FYB1: variants seen among roughly 807,000 people sequenced by gnomAD.
FYB1 encodes FYN binding protein 1, also known as FYN-binding protein 1.
A neutral mutation model predicts 94.1 loss-of-function variants in FYB1; 41 were observed. The observed-to-expected ratio is 0.44, with a 90% CI of 0.34 to 0.57. The LOEUF (loss-of-function observed/expected upper bound fraction) is 0.57, where lower values mean the gene tolerates loss of function less well. Ranked by LOEUF, FYB1 falls within the 20% of genes least tolerant of loss-of-function variation. The pLI is 0.02. For missense variants in FYB1, 1,050 were observed against 976.8 expected, an observed-to-expected ratio of 1.07 and a Z score of -1.00; for synonymous variants, 367 against 353.2, an observed-to-expected ratio of 1.04 and a Z score of -0.44.
chr5:39,245,331 T>A (rs1561304562), intron 1 of FYB1, among the ~76,000 whole-genome samples: 1 of 152,234 alleles, frequency 6.6e-6, no homozygotes, highest in Non-Finnish European at 1.5e-5. Context: ...TGGGTGTGTG[T>A]GCATCTTTTG....
At chr5:39,165,934 G>A (rs1166221821) in intron 2 of FYB1, among the ~76,000 whole-genome samples, 3 of 152,144 alleles carry the variant, frequency 2.0e-5, no homozygotes, top group Non-Finnish European at 4.4e-5. Context: ...AGATATCATC[G>A]TACAGCAGTC....
At chr5:39,110,131 A>G (rs1738920587) in intron 17 of FYB1, among the ~76,000 whole-genome samples, 1 of 152,142 alleles carries the variant, frequency 6.6e-6, no homozygotes, top group South Asian at 2.1e-4. Context: ...GAGCTGTACA[A>G]TTTTAAATGA....
At chr5:39,238,913 C>T (rs1259045547) in intron 1 of FYB1, among the ~76,000 whole-genome samples, 4 of 152,108 alleles carry the variant, frequency 2.6e-5, no homozygotes, top group Non-Finnish European at 4.4e-5. Context: ...TATTTCTGCA[C>T]ATGCCAGTGT....
chr5:39,111,534 T>C (rs1739078813), intron 16 of FYB1, among the ~76,000 whole-genome samples: 1 of 151,764 alleles, frequency 6.6e-6, no homozygotes. Context: ...TACATTAAAA[T>C]TTAAGAAAAT....
At chr5:39,268,759 T>TTCA (rs1318124810) in intron 1 of FYB1, among the ~76,000 whole-genome samples, 1 of 151,974 alleles carries the variant, frequency 6.6e-6, no homozygotes, top group East Asian at 1.9e-4. Context: ...GAGACGGGGT[T>TTCA]TCATCATGTT....
At chr5:39,234,493 A>G (rs1298082142) in intron 1 of FYB1, among the ~76,000 whole-genome samples, 1 of 152,192 alleles carries the variant, frequency 6.6e-6, no homozygotes, top group Non-Finnish European at 1.5e-5. Flanking sequence ...GCAATTCCTC[A>G]AGGATCTAGA....
chr5:39,118,963 C>G lies in FYB1; in HGVS notation c.2312G>C (p.Arg771Thr). 6.4e-7 allele frequency: 1 copy of G among 1,572,304 alleles called. No homozygotes were observed. The change falls in exon 16 of 19, where the codon AGA becomes ACA. Residue 771 changes from arginine (R) to threonine (T), a missense_variant. By Grantham distance (71) the Arg-to-Thr change is moderately conservative. Coordinates refer to ENST00000512982, the MANE Select transcript of FYB1 (RefSeq NM_001465.6). ...TSITSKKWGT[R>T]DLQVKPGESL... Reference sequence around the variant, plus strand: ...TTCACCAGGTTTTACCTGTAGATCTCTGGTTCCCCACTTTTTAGAAGTTAT... The same window carrying G: ...TTCACCAGGTTTTACCTGTAGATCTGTGGTTCCCCACTTTTTAGAAGTTAT...
intron 16 of FYB1, among the ~76,000 whole-genome samples, chr5:39,111,884 T>G (rs1049202645): frequency 1.1e-4 from 16 of 152,080 alleles, no homozygotes; most frequent in African/African-American, 3.4e-4. Context: ...TTCCTTTATA[T>G]TTCAATTAAT....
chr5:39,148,697 A>G (rs1742992016), intron 3 of FYB1, among the ~76,000 whole-genome samples: 1 of 152,038 alleles, frequency 6.6e-6, no homozygotes, highest in Non-Finnish European at 1.5e-5. Flanking sequence ...TTTTCCTCCA[A>G]TTTTACAGAC....
intron 2 of FYB1, among the ~76,000 whole-genome samples, chr5:39,179,209 T>C (rs939041628): frequency 1.3e-5 from 2 of 152,298 alleles, no homozygotes; most frequent in African/African-American, 2.4e-5. Flanking sequence ...ATGCAAATTG[T>C]TAACTTGCCC....
chr5:39,130,340 G>C (rs914593448), intron 10 of FYB1, among the ~76,000 whole-genome samples: 4 of 152,050 alleles, frequency 2.6e-5, no homozygotes, highest in African/African-American at 9.7e-5. Context: ...AAGTTCTAAT[G>C]CTTAATAGTA....
At chr5:39,122,745 G>A (rs1740246877) in intron 13 of FYB1, among the ~76,000 whole-genome samples, 1 of 151,976 alleles carries the variant, frequency 6.6e-6, no homozygotes, top group Non-Finnish European at 1.5e-5. Context: ...CAACATTACT[G>A]GCCACTGGCA....
At chr5:39,112,110 TAAC>T (rs1389803309) in intron 16 of FYB1, among the ~76,000 whole-genome samples, 1 of 151,928 alleles carries the variant, frequency 6.6e-6, no homozygotes, top group Non-Finnish European at 1.5e-5. Flanking sequence ...TCTGTGCAAA[TAAC>T]AAGCTTTTAG....
intron 2 of FYB1, among the ~76,000 whole-genome samples, chr5:39,173,507 A>T (rs1580458799): frequency 1.3e-5 from 2 of 152,186 alleles, no homozygotes; most frequent in East Asian, 3.9e-4. Flanking sequence ...TTATCCATAA[A>T]TTATTTACCA....
In FYB1 at chr5:39,141,078, A is replaced by G; in HGVS notation, c.1339+17T>C. 6.5e-7 allele frequency: 1 copy of G among 1,538,600 alleles called. No individual in the cohort carries two copies. Among genetic ancestry groups the G allele is most frequent in the Non-Finnish European group, 8.9e-7 (1 of 1,129,376 alleles). On this transcript the variant is annotated intron_variant, in intron 4 of 18. Coordinates refer to ENST00000512982, the MANE Select transcript of FYB1 (RefSeq NM_001465.6). ...GAGTTTACAAATAAATAAATAAAAT[A>G]TGTTTTTGTCGTTTACCATCAGAGT...
At chr5:39,210,830 G>A (rs1749299891) in intron 1 of FYB1, among the ~76,000 whole-genome samples, 1 of 152,146 alleles carries the variant, frequency 6.6e-6, no homozygotes, top group South Asian at 2.1e-4. Context: ...AAGCAACGTG[G>A]CGAGAGCCTG....
chr5:39,240,844 C>T (rs1200132288), intron 1 of FYB1, among the ~76,000 whole-genome samples: 1 of 152,188 alleles, frequency 6.6e-6, no homozygotes, highest in Non-Finnish European at 1.5e-5. Flanking sequence ...GAATATAAAT[C>T]ATTCTACCAC....
chr5:39,215,118 C>T (rs560630374), intron 1 of FYB1, among the ~76,000 whole-genome samples: 10 of 152,018 alleles, frequency 6.6e-5, no homozygotes, highest in Non-Finnish European at 1.5e-4. Context: ...GCAATGTTTG[C>T]GCAACAATGC....
At chr5:39,222,644 A>C (rs1750316763), upstream of FYB1, among the ~76,000 whole-genome samples, 1 of 152,238 alleles carries the variant, frequency 6.6e-6, no homozygotes, top group African/African-American at 2.4e-5. Flanking sequence ...TTGAAGATTT[A>C]ATAAAAACAA....
Sources: gnomAD v4.1 joint callset for allele counts (sites outside exome capture counted in the v4.1 genomes callset) on GRCh38, gnomAD v4.1.1 for gene constraint, MANE v1.5 for transcripts, NCBI Gene and HGNC (gene_info 2026-07-23, HGNC 2026-07-21) for gene names.